Variants in USO1 observed in about 807,000 individuals in gnomAD.
USO1 encodes USO1 vesicle transport factor.
In USO1, 57 loss-of-function variants were observed where a neutral mutation model predicts 124.5. The observed-to-expected ratio is 0.46, with a 90% CI of 0.37 to 0.57. The LOEUF (loss-of-function observed/expected upper bound fraction) is 0.57, where lower values mean the gene tolerates loss of function less well. Ranked by LOEUF, USO1 falls within the 20% of genes least tolerant of loss-of-function variation. The probability of loss-of-function intolerance (pLI) is 0.00; values close to 1 mark genes in which losing one functional copy is unlikely to be tolerated. For missense variants in USO1, 900 were observed against 1,040.6 expected, an observed-to-expected ratio of 0.86 and a Z score of 1.86; for synonymous variants, 369 against 362.8, an observed-to-expected ratio of 1.02 and a Z score of -0.19.
chr4:75,800,717 T>G lies in USO1; in HGVS notation c.1782T>G (p.Ser594=), dbSNP rs1722822849. Residue 594 remains serine, a synonymous_variant, in exon 16 of 24, where the codon TCT becomes TCG. Transcript: ENST00000514213. The part of the protein sequence containing the change: ...ISKHELYSRA[S]QKPQPNFPSP... Reference sequence around the variant, plus strand: ...AACATGAGTTGTATTCCAGAGCATCTCAGAAACCCCAGCCAAACTTTCCCA... The same window carrying G: ...AACATGAGTTGTATTCCAGAGCATCGCAGAAACCCCAGCCAAACTTTCCCA... The G allele has an allele frequency of 6.2e-7, 1 of 1,611,780 alleles. No homozygotes were observed. Among genetic ancestry groups the G allele is most frequent in the Non-Finnish European group, 8.5e-7 (1 of 1,179,382 alleles).
intron 10 of USO1, among the ~76,000 whole-genome samples, chr4:75,787,483 A>C (rs2149178866): frequency 6.6e-6 from 1 of 152,282 alleles, no homozygotes; most frequent in South Asian, 2.1e-4. Flanking sequence ...ACAGGAGTGC[A>C]CAGTATGATT....
At chr4:75,754,704 T>G (rs1306483863) in intron 3 of USO1, among the ~76,000 whole-genome samples, 3 of 152,164 alleles carry the variant, frequency 2.0e-5, no homozygotes, top group Non-Finnish European at 4.4e-5. Flanking sequence ...CCTGAACCCA[T>G]CATGCCTACA....
At chr4:75,730,388 T>C (rs1720596012) in intron 1 of USO1, among the ~76,000 whole-genome samples, 2 of 152,198 alleles carry the variant, frequency 1.3e-5, no homozygotes, top group Non-Finnish European at 2.9e-5. Context: ...CACTGTGTTA[T>C]AGTTTCAGAT....
At position 75,774,808 on chromosome 4, in the gene USO1, A is replaced by C. The variant is rs1432816473; in HGVS notation, c.676+12A>C. 1 of 1,611,286 alleles carries C rather than the reference A, an allele frequency of 6.2e-7. No homozygotes were observed. Among genetic ancestry groups the C allele is most frequent in the Middle Eastern group, 1.7e-4 (1 of 6,042 alleles). ...GAACAGTGATGGAGGTATAGTATGA[A>C]GAAATTATTTGAAGACATTCCTTTT... is the stretch of plus-strand genomic sequence containing the variant. On this transcript the variant is annotated intron_variant, in intron 8 of 23. Transcript: ENST00000514213.
chr4:75,779,520 T>C (rs556492316), intron 8 of USO1, among the ~76,000 whole-genome samples: 2 of 152,310 alleles, frequency 1.3e-5, no homozygotes, highest in East Asian at 3.9e-4. Flanking sequence ...ATTGCTGATA[T>C]AGAGAAAGTT....
Position 75,771,141 on chromosome 4 carries a change from A to C in USO1, c.555+4A>C, listed in dbSNP as rs1256899973. The C allele has an allele frequency of 6.3e-7, 1 of 1,592,492 alleles. No homozygotes were observed. Among genetic ancestry groups the C allele is most frequent in the Non-Finnish European group, 8.5e-7 (1 of 1,173,768 alleles). ...CAGGGAAGTTATACGTAATGATGTA[A>C]GTTAAATTTCAAAAAGAAATACAAA... On this transcript the variant is annotated splice_donor_region_variant and intron_variant, in intron 7 of 23. Transcript: ENST00000514213.
chr4:75,732,110 T>C (rs1267586524), intron 1 of USO1, among the ~76,000 whole-genome samples: 1 of 152,170 alleles, frequency 6.6e-6, no homozygotes, highest in African/African-American at 2.4e-5. Context: ...ATCACCCAGG[T>C]AGTGAGGATG....
chr4:75,742,065 G>C (rs562937495), intron 1 of USO1, among the ~76,000 whole-genome samples: 1 of 152,212 alleles, frequency 6.6e-6, no homozygotes, highest in African/African-American at 2.4e-5. Flanking sequence ...CCTTCTTCTG[G>C]AATACTTCTT....
chr4:75,732,876 T>TAAAAA (rs3059597), intron 1 of USO1, among the ~76,000 whole-genome samples: 15,681 of 48,000 alleles, frequency 0.33, 4,352 homozygotes, highest in African/African-American at 0.58. Flanking sequence ...AGATTCCATC[T>TAAAAA]AAAAAAAAAA....
intron 8 of USO1, among the ~76,000 whole-genome samples, chr4:75,776,080 G>T (rs560884747): frequency 3.3e-4 from 51 of 152,270 alleles, no homozygotes; most frequent in Non-Finnish European, 5.9e-4. Context: ...GTGGACAAAG[G>T]ATAGTGACTA....
rs1577977900 is a variant in USO1, at chr4:75,810,512, A to G, written c.2556A>G (p.Ala852=). 1 of 1,612,954 alleles carries G rather than the reference A, an allele frequency of 6.2e-7. No homozygotes were observed. The highest frequency in any genetic ancestry group is 8.5e-7 in the Non-Finnish European group (1 of 1,179,502). ...CTGATGTAGAAGGAAGACTGTCAGC[A>G]TTATTACAAGAGACCAAAGAGTTAA... ...KTTDVEGRLS[A]LLQETKELKN... is the part of the protein sequence containing the mutation. Residue 852 remains alanine, a synonymous_variant, in exon 22 of 24, where the codon GCA becomes GCG. Coordinates refer to ENST00000514213, the MANE Select transcript of USO1 (RefSeq NM_003715.4).
intron 1 of USO1, among the ~76,000 whole-genome samples, chr4:75,736,466 C>A (rs1014836058): frequency 1.3e-5 from 2 of 151,774 alleles, no homozygotes; most frequent in Non-Finnish European, 2.9e-5. Flanking sequence ...ACAGGCCTGG[C>A]TAATTTTTGT....
chr4:75,746,564 T>TA (rs1380576339), intron 1 of USO1, among the ~76,000 whole-genome samples: 1 of 152,242 alleles, frequency 6.6e-6, no homozygotes, highest in African/African-American at 2.4e-5. Context: ...GTGTATAGAC[T>TA]AAAACATGAC....
rs188739036 is a variant in USO1, at chr4:75,745,460, T to C, written c.67-6913T>C. ...AGTTCGCAACAGATACTCTGACTCA[T>C]ATTTCTCTACATAGGAGAAAGAGTA... On this transcript the variant is annotated intron_variant, in intron 1 of 23. Transcript: ENST00000514213. 1.1e-4 allele frequency: 48 copies of C among 450,624 alleles called. No homozygotes were observed. The East Asian group carries it at 3.0e-3, about 28-fold the overall frequency. The allele number at this position is 450,624 out of a possible 1,614,324, so 27.9% of individuals were successfully genotyped here.
At chr4:75,736,401 T>A (rs11931388) in intron 1 of USO1, among the ~76,000 whole-genome samples, 89 of 131,266 alleles carry the variant, frequency 6.8e-4, no homozygotes, top group African/African-American at 2.4e-3. Context: ...TCAGCTCACC[T>A]CCGCCTCCTG....
chr4:75,776,720 T>C (rs1433795541), intron 8 of USO1, among the ~76,000 whole-genome samples: 3 of 152,112 alleles, frequency 2.0e-5, no homozygotes, highest in African/African-American at 4.8e-5. Context: ...CCATATTTAA[T>C]AGATATTTAT....
intron 3 of USO1, among the ~76,000 whole-genome samples, chr4:75,756,169 C>CA (rs11451328): frequency 0.6 from 66,904 of 111,874 alleles, 19,018 homozygotes; most frequent in East Asian, 0.81. Context: ...GACTCCGTCT[C>CA]AAAAAAAAAA....
intron 10 of USO1, among the ~76,000 whole-genome samples, chr4:75,788,296 T>C (rs1440274222): frequency 6.6e-6 from 1 of 150,732 alleles, no homozygotes; most frequent in African/African-American, 2.4e-5. Context: ...GCCTCCTGAG[T>C]AGCTGGGATT....
intron 12 of USO1, 102 bp downstream of exon 12, chr4:75,790,899 A>T: frequency 7.6e-7 from 1 of 1,310,190 alleles, no homozygotes; most frequent in Non-Finnish European, 9.9e-7. Flanking sequence ...AATACTTTGC[A>T]TGCTTAGGAG....
Sources: allele counts gnomAD v4.1 joint callset (sites outside exome capture counted in the v4.1 genomes callset), GRCh38; gene constraint gnomAD v4.1.1; transcripts MANE v1.5; gene names NCBI Gene and HGNC (gene_info 2026-07-23, HGNC 2026-07-21).